Variants in GPC6 observed in about 807,000 individuals in gnomAD.
GPC6 encodes glypican 6, also known as glypican-6.
A neutral mutation model predicts 55.2 loss-of-function variants in GPC6; 14 were observed. That is an observed-to-expected ratio of 0.25 (90% confidence interval 0.17 to 0.40). The LOEUF is 0.40. Among genes scored for constraint, GPC6 ranks in the 10% least tolerant of loss-of-function variants. The probability of loss-of-function intolerance (pLI) is 1.00; values close to 1 mark genes in which losing one functional copy is unlikely to be tolerated. For missense variants in GPC6, 641 were observed against 708.5 expected, an observed-to-expected ratio of 0.90 and a Z score of 1.08; for synonymous variants, 278 against 259.6, an observed-to-expected ratio of 1.07 and a Z score of -0.68.
chr13:94,101,009 C>G (rs536348160), intron 4 of GPC6, among the ~76,000 whole-genome samples: 1 of 152,330 alleles, frequency 6.6e-6, no homozygotes, highest in Non-Finnish European at 1.5e-5. Context: ...CTGGTCATTG[C>G]GTCAGGCAAA....
At chr13:94,105,948 C>T (rs1886038494) in intron 4 of GPC6, among the ~76,000 whole-genome samples, 1 of 148,596 alleles carries the variant, frequency 6.7e-6, no homozygotes, top group Non-Finnish European at 1.5e-5. Context: ...TCCAGCTATC[C>T]TACATTGGAA....
intron 1 of GPC6, among the ~76,000 whole-genome samples, chr13:93,305,292 C>T (rs1237030276): frequency 6.8e-6 from 1 of 147,658 alleles, no homozygotes; most frequent in Non-Finnish European, 1.5e-5. Flanking sequence ...GTTTGTAAAA[C>T]TTCTCTAGTG....
In GPC6 at chr13:93,332,793, TTTTG is replaced by T. The variant is rs908012950; in HGVS notation, c.160+105193_160+105196del. Among the ~76,000 whole-genome samples, 6 of 152,196 alleles carry T rather than the reference TTTTG, an allele frequency of 3.9e-5. No individual in the cohort carries two copies. The East Asian group carries it at 5.8e-4, about 15-fold the overall frequency. On this transcript the variant is annotated intron_variant, in intron 1 of 8. Coordinates refer to ENST00000377047, the MANE Select transcript of GPC6 (RefSeq NM_005708.5). Reference sequence around the variant, plus strand: ...CCTCAAAAATTTATGTCCTGAAGTGTTTTGTTTGTTTGTTTGTTTCGGTAGCTTC... The same window carrying T: ...CCTCAAAAATTTATGTCCTGAAGTGTTTTGTTTGTTTGTTTCGGTAGCTTC...
chr13:93,248,219 A>C (rs578073065), intron 1 of GPC6, among the ~76,000 whole-genome samples: 1 of 152,308 alleles, frequency 6.6e-6, no homozygotes, highest in South Asian at 2.1e-4. Flanking sequence ...TGTGATAACC[A>C]AGGTTGATTT....
At chr13:93,310,465 C>T (rs1245074005) in intron 1 of GPC6, among the ~76,000 whole-genome samples, 2 of 152,160 alleles carry the variant, frequency 1.3e-5, no homozygotes. Flanking sequence ...ACACAACATT[C>T]ACATTTCTGT....
intron 4 of GPC6, among the ~76,000 whole-genome samples, chr13:94,175,951 TATATAGAGAG>T (rs1473059268): frequency 3.8e-4 from 36 of 95,860 alleles, no homozygotes; most frequent in Non-Finnish European, 6.2e-4. Flanking sequence ...TATATATATA[TATATAGAGAG>T]AGAGAGAGAG....
At chr13:93,921,814 G>A (rs1466629392) in intron 3 of GPC6, among the ~76,000 whole-genome samples, 2 of 151,748 alleles carry the variant, frequency 1.3e-5, no homozygotes, top group African/African-American at 2.4e-5. Flanking sequence ...CTTGGGGTGC[G>A]AAAACAGGAA....
chr13:93,740,556 A>G (rs1884166001), intron 2 of GPC6, among the ~76,000 whole-genome samples: 2 of 152,214 alleles, frequency 1.3e-5, no homozygotes, highest in South Asian at 4.1e-4. Context: ...ATTGATAAAC[A>G]GTTTAATATT....
At chr13:93,336,115 C>G in intron 1 of GPC6, among the ~76,000 whole-genome samples, 1 of 152,166 alleles carries the variant, frequency 6.6e-6, no homozygotes, top group East Asian at 1.9e-4. Flanking sequence ...TGTTTATCAA[C>G]AGATAAACTG....
At chr13:93,283,612 G>T (rs562292594) in intron 1 of GPC6, among the ~76,000 whole-genome samples, 1 of 152,208 alleles carries the variant, frequency 6.6e-6, no homozygotes, top group African/African-American at 2.4e-5. Flanking sequence ...AAGCCAAAAG[G>T]GACAGGTACA....
intron 1 of GPC6, among the ~76,000 whole-genome samples, chr13:93,496,713 C>T (rs918251026): frequency 1.3e-5 from 2 of 152,138 alleles, no homozygotes; most frequent in African/African-American, 2.4e-5. Flanking sequence ...CCTTGGGCAA[C>T]TTACTTAATC....
At chr13:94,321,707 G>A (rs1876836406) in intron 6 of GPC6, among the ~76,000 whole-genome samples, 1 of 152,090 alleles carries the variant, frequency 6.6e-6, no homozygotes, top group African/African-American at 2.4e-5. Flanking sequence ...GGTACTATTG[G>A]TTAATATTGT....
intron 5 of GPC6, among the ~76,000 whole-genome samples, chr13:94,289,428 A>G (rs1318603084): frequency 1.3e-5 from 2 of 152,158 alleles, no homozygotes; most frequent in East Asian, 3.9e-4. Context: ...CTGTTCACAC[A>G]GGGAGATGAC....
intron 6 of GPC6, among the ~76,000 whole-genome samples, chr13:94,360,989 T>G (rs1566718644): frequency 1.3e-5 from 2 of 152,210 alleles, no homozygotes; most frequent in Non-Finnish European, 2.9e-5. Context: ...GTGATGGGTG[T>G]AGCATGGGGC....
At chr13:93,513,324 T>C (rs1415028065) in intron 1 of GPC6, among the ~76,000 whole-genome samples, 1 of 152,218 alleles carries the variant, frequency 6.6e-6, no homozygotes, top group African/African-American at 2.4e-5. Context: ...ACAGTTACAA[T>C]TGACCTTTTG....
rs1379603120 is a variant in GPC6 at position 93,560,289 on chromosome 13, C to A, written c.319+14868C>A. 1.0e-4 allele frequency among the ~76,000 whole-genome samples: 15 copies of A among 149,612 alleles called. No homozygotes were observed. In the Admixed American group the frequency reaches 1.0e-3, roughly 10 times the overall value. ...TTGGGAGGCCAAGGTAGGTGGATCA[C>A]TTGAGCCCAGGAATTTGAGACCAGC... On this transcript the variant is annotated intron_variant, in intron 2 of 8. Transcript: ENST00000377047.
chr13:93,339,853 C>T (rs1485443712), intron 1 of GPC6, among the ~76,000 whole-genome samples: 1 of 152,004 alleles, frequency 6.6e-6, no homozygotes, highest in African/African-American at 2.4e-5. Flanking sequence ...AAGAAAATTA[C>T]TTTTGAAAGG....
At chr13:94,342,641 C>A (rs1878099015) in intron 6 of GPC6, among the ~76,000 whole-genome samples, 1 of 152,148 alleles carries the variant, frequency 6.6e-6, no homozygotes, top group Non-Finnish European at 1.5e-5. Flanking sequence ...TTCCTGGCAG[C>A]CCCGGGAAAC....
chr13:93,603,972 G>A (rs2139528436), intron 2 of GPC6, among the ~76,000 whole-genome samples: 1 of 152,288 alleles, frequency 6.6e-6, no homozygotes, highest in Admixed American at 6.5e-5. Flanking sequence ...AAAAATGGCA[G>A]GAGAATACAG....
Sources: gnomAD v4.1 joint callset for allele counts (sites outside exome capture counted in the v4.1 genomes callset) on GRCh38, gnomAD v4.1.1 for gene constraint, MANE v1.5 for transcripts, NCBI Gene and HGNC (gene_info 2026-07-23, HGNC 2026-07-21) for gene names.